The following PTPRG variants were observed in gnomAD, a reference collection of about 807,000 sequenced individuals.
PTPRG encodes the protein protein tyrosine phosphatase receptor type G, also known as receptor-type tyrosine-protein phosphatase gamma.
In PTPRG, 102 loss-of-function variants were observed where a neutral mutation model predicts 165.3. That is an observed-to-expected ratio of 0.62 (90% CI 0.53 to 0.73). PTPRG has a LOEUF of 0.73. Ranked by LOEUF, PTPRG falls within the 30% of genes least tolerant of loss-of-function variation. The pLI is 0.00. For missense variants in PTPRG, 1,866 were observed against 1,861.4 expected (o/e 1.00, Z -0.05); for synonymous variants, 675 against 669.5 (o/e 1.01, Z -0.13).
At chr3:61,863,099 G>A (rs1303643731) in intron 2 of PTPRG, among the ~76,000 whole-genome samples, 1 of 152,206 alleles carries the variant, frequency 6.6e-6, no homozygotes, top group East Asian at 1.9e-4. Context: ...CACTGCACAA[G>A]GATGTGCAGA....
chr3:61,646,372 A>G (rs1401969518), intron 1 of PTPRG, among the ~76,000 whole-genome samples: 2 of 152,204 alleles, frequency 1.3e-5, no homozygotes, highest in Non-Finnish European at 2.9e-5. Flanking sequence ...TTGGCCTCCC[A>G]AAGTCCTGGG....
At chr3:61,793,303 T>G (rs1365133489) in intron 2 of PTPRG, among the ~76,000 whole-genome samples, 1 of 152,168 alleles carries the variant, frequency 6.6e-6, no homozygotes, top group Non-Finnish European at 1.5e-5. Context: ...GCCAAAGTGG[T>G]GGTTTCAAGA....
chr3:61,911,926 T>C (rs934907903), intron 2 of PTPRG, among the ~76,000 whole-genome samples: 4 of 152,232 alleles, frequency 2.6e-5, no homozygotes, highest in African/African-American at 9.6e-5. Context: ...TTGTTTCAAT[T>C]TGCATTTCTT....
At chr3:61,765,301 G>A (rs2033983716) in intron 2 of PTPRG, among the ~76,000 whole-genome samples, 1 of 152,192 alleles carries the variant, frequency 6.6e-6, no homozygotes, top group Admixed American at 6.5e-5. Flanking sequence ...TTCTGGTCGT[G>A]GTGAAAAGCC....
At chr3:61,623,674 T>G (rs564988594) in intron 1 of PTPRG, among the ~76,000 whole-genome samples, 3 of 152,188 alleles carry the variant, frequency 2.0e-5, no homozygotes, top group Non-Finnish European at 4.4e-5. Context: ...TTAGCAGAGA[T>G]AAAATATTGA....
chr3:62,177,438 C>A (rs1157537670), intron 8 of PTPRG, among the ~76,000 whole-genome samples: 1 of 152,228 alleles, frequency 6.6e-6, no homozygotes, highest in Non-Finnish European at 1.5e-5. Flanking sequence ...GCAATAGCTT[C>A]TTTGTATGCC....
At chr3:61,585,914 G>A (rs1700423737) in intron 1 of PTPRG, among the ~76,000 whole-genome samples, 1 of 152,088 alleles carries the variant, frequency 6.6e-6, no homozygotes, top group Admixed American at 6.5e-5. Context: ...CATTTGTTGG[G>A]GACCTACTGT....
intron 14 of PTPRG, among the ~76,000 whole-genome samples, chr3:62,238,952 T>C (rs956088323): frequency 2.0e-5 from 3 of 152,008 alleles, no homozygotes; most frequent in African/African-American, 7.3e-5. Context: ...TCAGTGAAAA[T>C]AATGTTACCT....
intron 1 of PTPRG, among the ~76,000 whole-genome samples, chr3:61,563,231 C>G (rs1380832364): frequency 2.0e-5 from 3 of 152,146 alleles, no homozygotes; most frequent in African/African-American, 7.2e-5. Flanking sequence ...CCCTGCCTAC[C>G]TTCATCTTTG....
At chr3:61,910,412 G>T (rs1472370355) in intron 2 of PTPRG, among the ~76,000 whole-genome samples, 3 of 152,112 alleles carry the variant, frequency 2.0e-5, no homozygotes, top group Non-Finnish European at 4.4e-5. Context: ...GTATCCTAAT[G>T]TTGTCCAACC....
intron 17 of PTPRG, among the ~76,000 whole-genome samples, chr3:62,266,060 T>C (rs1278446032): frequency 6.6e-6 from 1 of 152,104 alleles, no homozygotes; most frequent in Admixed American, 6.6e-5. Flanking sequence ...GGTCATGGTG[T>C]TTTGCTAGAA....
intron 4 of PTPRG, among the ~76,000 whole-genome samples, chr3:62,064,076 G>T (rs1700915272): frequency 6.6e-6 from 1 of 152,034 alleles, no homozygotes; most frequent in African/African-American, 2.4e-5. Flanking sequence ...AGCAGTGGTG[G>T]GGTTTGGGTT....
chr3:62,080,255 T>C (rs1668988473), intron 5 of PTPRG, among the ~76,000 whole-genome samples: 1 of 151,718 alleles, frequency 6.6e-6, no homozygotes, highest in African/African-American at 2.4e-5. Context: ...TTTGTATTTT[T>C]AGTAGAGGCA....
intron 5 of PTPRG, among the ~76,000 whole-genome samples, chr3:62,100,583 C>A (rs1702256963): frequency 6.6e-6 from 1 of 151,912 alleles, no homozygotes; most frequent in Non-Finnish European, 1.5e-5. Context: ...TTTCTGCTTT[C>A]CAATCATAAG....
intron 2 of PTPRG, among the ~76,000 whole-genome samples, chr3:61,794,407 G>C (rs2034987712): frequency 6.6e-6 from 1 of 152,094 alleles, no homozygotes; most frequent in East Asian, 1.9e-4. Flanking sequence ...CTCCTTTTCT[G>C]ACACAATAGG....
At chr3:62,062,437 C>T (rs9869186) in intron 4 of PTPRG, among the ~76,000 whole-genome samples, 101,001 of 152,006 alleles carry the variant, frequency 0.66, 34,804 homozygotes, top group South Asian at 0.86. Context: ...CAGCTTTGCT[C>T]GTATGCTTAA....
chr3:61,632,321 A>G (rs909828406), intron 1 of PTPRG, among the ~76,000 whole-genome samples: 9 of 26,232 alleles, frequency 3.4e-4, no homozygotes, highest in Non-Finnish European at 3.2e-4. Context: ...ACGCACATAC[A>G]CACACACACA....
chr3:62,232,139 A>C (rs923531038), intron 14 of PTPRG, among the ~76,000 whole-genome samples: 1 of 152,210 alleles, frequency 6.6e-6, no homozygotes, highest in South Asian at 2.1e-4. Flanking sequence ...GGAATGATTC[A>C]TCTCCATTGG....
Position 62,205,964 on chromosome 3 carries a change from G to A in PTPRG, c.2155+2014G>A, listed in dbSNP as rs141384295. On this transcript the variant is annotated intron_variant, in intron 12 of 29. Transcript: ENST00000474889. ...GCAGTGGTAATGGTGGCTTGGACCA[G>A]TGTGTTTTCTATGAAGACAGGTGGT... is the stretch of plus-strand genomic sequence containing the variant. Among the ~76,000 whole-genome samples, 242 of 152,306 alleles carry A rather than the reference G, an allele frequency of 1.6e-3. 1 individual carries two copies. The Middle Eastern group carries it at 0.061, about 39-fold the overall frequency.
Sources: allele counts gnomAD v4.1 joint callset (sites outside exome capture counted in the v4.1 genomes callset), GRCh38; gene constraint gnomAD v4.1.1; transcripts MANE v1.5; gene names NCBI Gene and HGNC (gene_info 2026-07-23, HGNC 2026-07-21).